Variants in MTMR6 observed in about 807,000 individuals in gnomAD.
MTMR6 encodes the protein phosphatidylinositol-3,5-bisphosphate 3-phosphatase MTMR6.
MTMR6 carries 47 observed loss-of-function variants against 80.1 expected under a neutral mutation model. The observed-to-expected ratio is 0.59, with a 90% CI of 0.46 to 0.75. The LOEUF (loss-of-function observed/expected upper bound fraction) is 0.75, where lower values mean the gene tolerates loss of function less well. MTMR6 is among the 30% of genes least tolerant of loss of function. The probability of loss-of-function intolerance (pLI) is 0.00; values close to 1 mark genes in which losing one functional copy is unlikely to be tolerated. For missense variants in MTMR6, 629 were observed against 730.9 expected, an observed-to-expected ratio of 0.86 and a Z score of 1.61; for synonymous variants, 254 against 253.0, an observed-to-expected ratio of 1.00 and a Z score of -0.04.
intron 1 of MTMR6, among the ~76,000 whole-genome samples, chr13:25,278,835 A>C (rs1198291438): frequency 6.6e-6 from 1 of 151,974 alleles, no homozygotes; most frequent in Non-Finnish European, 1.5e-5. Flanking sequence ...CACAGAGCAG[A>C]GGCTGAGTCA....
chr13:25,255,323 C>G lies in MTMR6; in HGVS notation c.1096-889G>C, dbSNP rs985375230. Among the ~76,000 whole-genome samples the G allele has an allele frequency of 2.6e-5, 4 of 152,232 alleles. No homozygotes were observed. The South Asian group carries it at 8.3e-4, about 32-fold the overall frequency. On this transcript the variant is annotated intron_variant, in intron 9 of 13. Transcript: ENST00000381801. Reference sequence around the variant, plus strand: ...GGAGCCACAGATTTTATTCTGGTCTCTCTGCCATTCTTCTACAAAACCATG... The same window carrying G: ...GGAGCCACAGATTTTATTCTGGTCTGTCTGCCATTCTTCTACAAAACCATG...
At chr13:25,253,161 C>G (rs921488222) in intron 11 of MTMR6, among the ~76,000 whole-genome samples, 4 of 152,094 alleles carry the variant, frequency 2.6e-5, no homozygotes, top group Admixed American at 1.3e-4. Flanking sequence ...ATAACATGAA[C>G]TAGGGTCAAG....
chr13:25,269,201 C>T (rs1957516298), intron 2 of MTMR6, among the ~76,000 whole-genome samples: 1 of 152,104 alleles, frequency 6.6e-6, no homozygotes, highest in South Asian at 2.1e-4. Context: ...TAACACAGTA[C>T]CTGGAACATT....
intron 6 of MTMR6, among the ~76,000 whole-genome samples, chr13:25,261,152 A>G (rs2137548634): frequency 6.6e-6 from 1 of 151,834 alleles, no homozygotes; most frequent in Non-Finnish European, 1.5e-5. Flanking sequence ...TACTAAAAAT[A>G]CAAAAAATTA....
At chr13:25,254,566 C>A in intron 9 of MTMR6, 132 bp from the exon 10 acceptor site, 2 of 656,800 alleles carry the variant, frequency 3.0e-6, no homozygotes, top group Non-Finnish European at 5.2e-6. Context: ...GCACAAAAAA[C>A]CACAGGCAAA....
chr13:25,266,615 TC>T (rs1957459778), intron 3 of MTMR6, among the ~76,000 whole-genome samples: 1 of 152,044 alleles, frequency 6.6e-6, no homozygotes, highest in Non-Finnish European at 1.5e-5. Flanking sequence ...CTAATCACTT[TC>T]CCAAATGAGA....
intron 3 of MTMR6, among the ~76,000 whole-genome samples, chr13:25,266,499 T>C (rs1190070337): frequency 6.6e-6 from 1 of 152,180 alleles, no homozygotes; most frequent in Non-Finnish European, 1.5e-5. Context: ...TCAACAAAAG[T>C]AAAGCTAATA....
chr13:25,278,709 CAAAAAAAAAA>C (rs57589187), intron 1 of MTMR6, among the ~76,000 whole-genome samples: 2 of 55,468 alleles, frequency 3.6e-5, no homozygotes, highest in East Asian at 5.6e-4. Flanking sequence ...CAAGACTCTG[CAAAAAAAAAA>C]AAAAAAAAAA....
chr13:25,274,246 T>C, intron 1 of MTMR6, 59 bp from the exon 2 acceptor site: 1 of 1,200,246 alleles, frequency 8.3e-7, no homozygotes, highest in Non-Finnish European at 1.2e-6. Context: ...ATTTTTCTGT[T>C]AGCCCAGGAC....
At chr13:25,265,355 T>C (rs1049401167) in intron 5 of MTMR6, among the ~76,000 whole-genome samples, 1 of 152,122 alleles carries the variant, frequency 6.6e-6, no homozygotes, top group African/African-American at 2.4e-5. Flanking sequence ...AGTATGAAAA[T>C]TTCTGTATTT....
In MTMR6 at chr13:25,251,903, T is replaced by A. The variant is rs779561417; in HGVS notation, c.1428A>T (p.Glu476Asp). Residue 476 changes from glutamate to aspartate, a missense_variant, in exon 12 of 14, where the codon GAA becomes GAT. Physicochemically the swap from Glu to Asp is conservative, Grantham distance 45. Transcript: ENST00000381801. This position sits in a 1 kb window ranked among gnomAD's most constrained non-coding sequence, Gnocchi z 4.1. ...GCTCCAAAACTGTAAATCTGTGAGA[T>A]TCGGAACTGTAGAGAGGATTTAAGT... The part of the protein sequence containing the change: ...KKYLNPLYSS[E>D]SHRFTVLEPN... 1 of 1,607,914 alleles carries A rather than the reference T, an allele frequency of 6.2e-7. No homozygotes were observed. Among genetic ancestry groups the A allele is most frequent in the South Asian group, 1.1e-5 (1 of 89,436 alleles).
At chr13:25,275,693 C>CT (rs1566043057) in intron 1 of MTMR6, among the ~76,000 whole-genome samples, 1 of 151,734 alleles carries the variant, frequency 6.6e-6, no homozygotes, top group Non-Finnish European at 1.5e-5. Flanking sequence ...AACCCCGTCT[C>CT]TATCAAAAAT....
chr13:25,250,360 T>A (rs562643471), intron 13 of MTMR6, among the ~76,000 whole-genome samples: 1 of 152,246 alleles, frequency 6.6e-6, no homozygotes, highest in South Asian at 2.1e-4. Context: ...CATCTATATA[T>A]AGCATACCAT....
In MTMR6 at chr13:25,272,906, G is replaced by A. The variant is rs528895369; in HGVS notation, c.141+1165C>T. On this transcript the variant is annotated intron_variant, in intron 2 of 13. Transcript: ENST00000381801. ...CGCTGCAACAAACATGCAAATGCCC[G>A]TGTCTTTTTGGTTGATTTATTTTCC... is the stretch of plus-strand genomic sequence containing the variant. Among the ~76,000 whole-genome samples, 296 of 152,166 alleles carry A rather than the reference G, an allele frequency of 1.9e-3. 2 individuals are homozygous for A. Among genetic ancestry groups the A allele is most frequent in the African/African-American group, 6.7e-3 (279 of 41,508 alleles).
intron 13 of MTMR6, 94 bp from the exon 14 acceptor site, chr13:25,249,586 CTGTA>C: frequency 8.0e-7 from 1 of 1,249,342 alleles, no homozygotes; most frequent in Non-Finnish European, 1.1e-6. Context: ...AATATGTTCT[CTGTA>C]TGTATAATGC....
Position 25,258,569 on chromosome 13 carries a change from A to T in MTMR6, c.850T>A (p.Leu284Ile), listed in dbSNP as rs762090917. 6.3e-7 allele frequency: 1 copy of T among 1,588,914 alleles called. No homozygotes were observed. The highest frequency in any genetic ancestry group is 1.2e-5 in the South Asian group (1 of 85,500). Residue 284 changes from leucine to isoleucine, a missense_variant, in exon 7 of 14, where the codon TTA becomes ATA. By Grantham distance (5) the Leu-to-Ile change is conservative (BLOSUM62 2). Coordinates refer to ENST00000381801, the MANE Select transcript of MTMR6 (RefSeq NM_004685.5). ...GTAAGCAATAATATACCTTCCAATA[A>T]TTTCTGAAGGCTGGACCTCATGACA... ...IHVMRSSLQK[L>I]LEVNGTKGLS...
Position 25,251,745 on chromosome 13 carries a change from A to C in MTMR6, c.1509T>G (p.Asp503Glu). The change falls in exon 13 of 14, where the codon GAT (aspartate) becomes GAG (glutamate). Residue 503 changes from aspartate (D) to glutamate (E), a missense_variant. Asp to Glu is a conservative substitution (Grantham distance 45). Transcript: ENST00000381801. The surrounding 1 kb of genome is among the most constrained non-coding windows in gnomAD (Gnocchi z 4.1). ...KFWRNMYHQF[D>E]RTLHPRQSVF... ...CAGACTGCCTAGGATGCAGTGTTCG[A>C]TCAAATTGATGGTACATGTTCCTCC... is the stretch of plus-strand genomic sequence containing the variant. 1 of 1,605,050 alleles carries C rather than the reference A, an allele frequency of 6.2e-7. No homozygotes were observed. The highest frequency in any genetic ancestry group is 1.3e-5 in the African/African-American group (1 of 74,574).
chr13:25,254,481 T>C, intron 9 of MTMR6, 47 bp from the exon 10 acceptor site: 1 of 1,220,720 alleles, frequency 8.2e-7, no homozygotes, highest in Non-Finnish European at 1.2e-6. Context: ...TTTCAATTAT[T>C]TTGTTTAGGC....
chr13:25,257,277 A>G lies in MTMR6; in HGVS notation c.1014T>C (p.Asp338=), dbSNP rs1450003038. 4 of 1,613,844 alleles carry G rather than the reference A, an allele frequency of 2.5e-6. No individual in the cohort carries two copies. The highest frequency in any genetic ancestry group is 1.3e-5 in the African/African-American group (1 of 74,908). Residue 338 remains aspartate (D), a synonymous_variant, in exon 9 of 14, where the codon GAT becomes GAC. Coordinates refer to ENST00000381801, the MANE Select transcript of MTMR6 (RefSeq NM_004685.5). ...AAACCTGGGAAGTCCTATCCCAACC[A>G]TCGGAACAATGCACCAACACACTTG... The part of the protein sequence containing the change: ...ENASVLVHCS[D]GWDRTSQVCS...
Sources: allele counts gnomAD v4.1 joint callset (sites outside exome capture counted in the v4.1 genomes callset), GRCh38; gene constraint gnomAD v4.1.1; non-coding constraint Gnocchi (gnomAD v3.1); transcripts MANE v1.5; gene names NCBI Gene and HGNC (gene_info 2026-07-23, HGNC 2026-07-21).